Variants in CEP112 observed in about 807,000 individuals in gnomAD.
CEP112 encodes the protein centrosomal protein of 112 kDa.
In CEP112, 127 loss-of-function variants were observed where a neutral mutation model predicts 153.0. The observed-to-expected ratio is 0.83, with a 90% CI of 0.72 to 0.96. The LOEUF is 0.96. Among genes scored for constraint, CEP112 ranks in the 40% least tolerant of loss-of-function variants. The probability of loss-of-function intolerance (pLI) is 0.00; values close to 1 mark genes in which losing one functional copy is unlikely to be tolerated. For synonymous variants in CEP112, 358 were observed against 374.4 expected, an observed-to-expected ratio of 0.96 and a Z score of 0.51; for missense variants, 1,089 against 1,101.2, an observed-to-expected ratio of 0.99 and a Z score of 0.16.
Position 66,005,879 on chromosome 17 carries a change from A to G in CEP112, c.1657-110T>C, listed in dbSNP as rs541219173. 3.1e-4 allele frequency: 289 copies of G among 922,912 alleles called. 2 individuals are homozygous for G. In the African/African-American group the frequency reaches 4.5e-3, roughly 15 times the overall value. 57.2% of individuals were successfully genotyped at this position (922,912 alleles called of 1,614,324 possible). On this transcript the variant is annotated intron_variant, in intron 16 of 26. Transcript: ENST00000535342. ...ACAAATCCATTTTTAATATAAAATT[A>G]GATTTAGATATTTCAAGATAGAAAC...
intron 20 of CEP112, among the ~76,000 whole-genome samples, chr17:65,853,699 G>A (rs1175930491): frequency 8.0e-5 from 12 of 149,432 alleles, no homozygotes; most frequent in Admixed American, 2.7e-4. Flanking sequence ...CTGCACTCCC[G>A]CCTGGGCAAC....
intron 18 of CEP112, among the ~76,000 whole-genome samples, chr17:65,956,898 C>G (rs773399398): frequency 7.2e-5 from 11 of 152,130 alleles, no homozygotes; most frequent in Non-Finnish European, 1.3e-4. Context: ...CAGTGGATGT[C>G]TGAACTTTGG....
intron 24 of CEP112, among the ~76,000 whole-genome samples, chr17:65,663,860 CA>C (rs919149974): frequency 6.6e-6 from 1 of 152,120 alleles, no homozygotes; most frequent in Non-Finnish European, 1.5e-5. Flanking sequence ...TCTTGGCTAA[CA>C]CGGTGAAACC....
At chr17:65,759,047 A>C (rs908080128) in intron 21 of CEP112, among the ~76,000 whole-genome samples, 2 of 152,198 alleles carry the variant, frequency 1.3e-5, no homozygotes, top group Non-Finnish European at 2.9e-5. Context: ...GCAGTAAAGA[A>C]GCCAGCCAAA....
At chr17:65,971,494 C>G (rs1301649801) in intron 17 of CEP112, among the ~76,000 whole-genome samples, 3 of 150,374 alleles carry the variant, frequency 2.0e-5, no homozygotes, top group African/African-American at 4.9e-5. Context: ...ACATGAATGT[C>G]ATACATATCA....
intron 23 of CEP112, among the ~76,000 whole-genome samples, chr17:65,727,799 G>A (rs2050262582): frequency 6.6e-6 from 1 of 152,238 alleles, no homozygotes; most frequent in African/African-American, 2.4e-5. Flanking sequence ...GGGCTTCTGG[G>A]AATCATCTCT....
intron 21 of CEP112, among the ~76,000 whole-genome samples, chr17:65,758,485 T>C (rs1273251764): frequency 2.0e-5 from 3 of 152,336 alleles, no homozygotes; most frequent in East Asian, 1.9e-4. Context: ...CTTTGCATTA[T>C]GCCTCAATTT....
intron 14 of CEP112, among the ~76,000 whole-genome samples, chr17:66,028,714 T>C (rs1293056491): frequency 6.6e-6 from 1 of 151,834 alleles, no homozygotes; most frequent in Non-Finnish European, 1.5e-5. Context: ...AATGTAACAC[T>C]GACATAAAAA....
At chr17:65,793,925 A>G (rs2054748832) in intron 21 of CEP112, among the ~76,000 whole-genome samples, 1 of 152,208 alleles carries the variant, frequency 6.6e-6, no homozygotes, top group Non-Finnish European at 1.5e-5. Flanking sequence ...TCTACTCTCC[A>G]TAGCTACGAA....
At chr17:65,878,142 T>C (rs2146565863) in intron 20 of CEP112, among the ~76,000 whole-genome samples, 1 of 152,230 alleles carries the variant, frequency 6.6e-6, no homozygotes, top group Middle Eastern at 3.4e-3. Context: ...CAATACTGTT[T>C]TGTATACTTG....
At position 66,010,395 on chromosome 17, in the gene CEP112, T is replaced by C. The variant is rs954018423; in HGVS notation, c.1657-4626A>G. ...GGGGTTTTCTAGGCATAGAATCATA[T>C]CATCCGCAAACAGGGATATTTGACT... is the stretch of plus-strand genomic sequence containing the variant. On this transcript the variant is annotated intron_variant, in intron 16 of 26. Coordinates refer to ENST00000535342, the MANE Select transcript of CEP112 (RefSeq NM_001199165.4). 5.3e-5 allele frequency among the ~76,000 whole-genome samples: 8 copies of C among 152,302 alleles called. No homozygotes were observed. In the East Asian group the frequency reaches 1.5e-3, roughly 29 times the overall value.
intron 18 of CEP112, among the ~76,000 whole-genome samples, chr17:65,939,006 T>G (rs995319443): frequency 2.0e-5 from 3 of 152,154 alleles, no homozygotes; most frequent in Admixed American, 6.5e-5. Context: ...GAGATGGGGT[T>G]TGACCATGTT....
At chr17:66,120,034 C>T (rs1201021423) in intron 6 of CEP112, among the ~76,000 whole-genome samples, 2 of 152,058 alleles carry the variant, frequency 1.3e-5, no homozygotes, top group Non-Finnish European at 2.9e-5. Context: ...AAGGTATTTG[C>T]CAGATATGTG....
intron 23 of CEP112, among the ~76,000 whole-genome samples, chr17:65,725,806 C>G (rs2050145346): frequency 6.6e-6 from 1 of 152,058 alleles, no homozygotes; most frequent in Non-Finnish European, 1.5e-5. Flanking sequence ...ACCACTAGAA[C>G]AGTATGGGGG....
chr17:66,040,900 A>G (rs528659031), intron 12 of CEP112, among the ~76,000 whole-genome samples: 1 of 152,168 alleles, frequency 6.6e-6, no homozygotes, highest in Admixed American at 6.5e-5. Flanking sequence ...CTTTTAAGAA[A>G]CCTTTGACTA....
intron 18 of CEP112, among the ~76,000 whole-genome samples, chr17:65,945,431 T>C (rs111395165): frequency 5.9e-5 from 9 of 152,332 alleles, no homozygotes; most frequent in African/African-American, 2.2e-4. Flanking sequence ...AAGGCACGCA[T>C]ATATTTAGTT....
chr17:66,009,710 T>C (rs530851337), intron 16 of CEP112, among the ~76,000 whole-genome samples: 1 of 152,366 alleles, frequency 6.6e-6, no homozygotes, highest in African/African-American at 2.4e-5. Context: ...CACCATTCAT[T>C]GAATAGGGAG....
chr17:65,942,103 C>A (rs1421257596), intron 18 of CEP112, among the ~76,000 whole-genome samples: 1 of 152,184 alleles, frequency 6.6e-6, no homozygotes, highest in Non-Finnish European at 1.5e-5. Context: ...AGGAACCCTG[C>A]ATCCAGCAGG....
intron 21 of CEP112, among the ~76,000 whole-genome samples, chr17:65,804,884 C>T (rs1173442086): frequency 7.3e-5 from 11 of 150,046 alleles, no homozygotes; most frequent in Non-Finnish European, 5.9e-5. Flanking sequence ...TTTTTTGAGA[C>T]GGGGTCTCAC....
Sources: allele counts gnomAD v4.1 joint callset (sites outside exome capture counted in the v4.1 genomes callset), GRCh38; gene constraint gnomAD v4.1.1; transcripts MANE v1.5; gene names NCBI Gene and HGNC (gene_info 2026-07-23, HGNC 2026-07-21).